Variants in NOS1AP observed in about 807,000 individuals in gnomAD.
The protein encoded by NOS1AP is nitric oxide synthase 1 adaptor protein.
In NOS1AP, 21 loss-of-function variants were observed where a neutral mutation model predicts 56.2. The ratio of observed to expected loss-of-function variants is 0.37; its 90% CI spans 0.26 to 0.54. NOS1AP has a LOEUF of 0.54. Among genes scored for constraint, NOS1AP ranks in the 20% least tolerant of loss-of-function variants. NOS1AP has a pLI of 0.84. For synonymous variants in NOS1AP, 270 were observed against 274.6 expected (o/e 0.98, Z 0.17); for missense variants, 522 against 657.8 (o/e 0.79, Z 2.26).
At chr1:162,346,465 G>C (rs1657298838) in intron 6 of NOS1AP, among the ~76,000 whole-genome samples, 1 of 152,130 alleles carries the variant, frequency 6.6e-6, no homozygotes, top group Non-Finnish European at 1.5e-5. Context: ...AGAATTGTGG[G>C]TATGAGGTAC....
intron 8 of NOS1AP, chr1:162,364,591 T>A: frequency 1.0e-6 from 1 of 985,468 alleles, no homozygotes; most frequent in Non-Finnish European, 1.2e-6. Flanking sequence ...CTGCTCTGCC[T>A]TAAGAAGGTT....
intron 2 of NOS1AP, among the ~76,000 whole-genome samples, chr1:162,236,128 T>C (rs1653282107): frequency 6.6e-6 from 1 of 152,240 alleles, no homozygotes; most frequent in South Asian, 2.1e-4. Context: ...ATCACCAGAT[T>C]CTGTGTATCA....
chr1:162,125,711 CT>C (rs1392241118), intron 1 of NOS1AP, among the ~76,000 whole-genome samples: 2 of 152,100 alleles, frequency 1.3e-5, no homozygotes. Flanking sequence ...AATGTGATTC[CT>C]CCAGATTTGT....
intron 2 of NOS1AP, among the ~76,000 whole-genome samples, chr1:162,208,426 T>C (rs1216582373): frequency 6.6e-6 from 1 of 152,200 alleles, no homozygotes; most frequent in Non-Finnish European, 1.5e-5. Context: ...ATATCCTCAA[T>C]AAATATTGAA....
intron 2 of NOS1AP, among the ~76,000 whole-genome samples, chr1:162,176,505 C>CTTTTTTTTTTTTT (rs34280743): frequency 1.1e-5 from 1 of 87,470 alleles, no homozygotes; most frequent in Non-Finnish European, 2.0e-5. Context: ...CATAATAGCT[C>CTTTTTTTTTTTTT]TTTTTTTTTT....
chr1:162,081,586 G>T (rs1214625181), intron 1 of NOS1AP, among the ~76,000 whole-genome samples: 2 of 139,364 alleles, frequency 1.4e-5, no homozygotes, highest in Non-Finnish European at 3.1e-5. Flanking sequence ...TTACTCTGTT[G>T]CCCATGCTGG....
At chr1:162,123,723 T>C (rs1489250725) in intron 1 of NOS1AP, among the ~76,000 whole-genome samples, 1 of 152,198 alleles carries the variant, frequency 6.6e-6, no homozygotes, top group Non-Finnish European at 1.5e-5. Flanking sequence ...GACTCCAATT[T>C]ACCCTTCACC....
At chr1:162,300,817 C>A in intron 4 of NOS1AP, 111 bp downstream of exon 4, 1 of 859,512 alleles carries the variant, frequency 1.2e-6, no homozygotes, top group Non-Finnish European at 2.0e-6. Context: ...AACTTCTATG[C>A]TTTTCCCTCC....
Position 162,355,958 on chromosome 1 carries a change from G to C in NOS1AP, c.762+605G>C, listed in dbSNP as rs557018662. 2.0e-5 allele frequency among the ~76,000 whole-genome samples: 3 copies of C among 152,262 alleles called. No homozygotes were observed. The East Asian group carries it at 5.8e-4, about 29-fold the overall frequency. On this transcript the variant is annotated intron_variant, in intron 7 of 9. Transcript: ENST00000361897. ...ACTTGAGATCAAATTCCAACCTGAA[G>C]CCAAAGCTAATTAAAAATGTTTTAA...
At chr1:162,351,644 C>A (rs1571238376) in intron 6 of NOS1AP, among the ~76,000 whole-genome samples, 1 of 152,186 alleles carries the variant, frequency 6.6e-6, no homozygotes, top group African/African-American at 2.4e-5. Flanking sequence ...TGCTGACTTG[C>A]CCTTCCTCGC....
intron 2 of NOS1AP, among the ~76,000 whole-genome samples, chr1:162,187,678 A>T (rs1651487033): frequency 6.6e-6 from 1 of 152,194 alleles, no homozygotes; most frequent in South Asian, 2.1e-4. Context: ...AGACCTGTGA[A>T]AACGGCTGAG....
At chr1:162,142,746 A>C (rs1000215013) in intron 1 of NOS1AP, among the ~76,000 whole-genome samples, 1 of 152,214 alleles carries the variant, frequency 6.6e-6, no homozygotes, top group Non-Finnish European at 1.5e-5. Context: ...TGTAGTATTA[A>C]TAGTAGTCTG....
At chr1:162,351,585 G>A (rs929932460) in intron 6 of NOS1AP, among the ~76,000 whole-genome samples, 3 of 152,128 alleles carry the variant, frequency 2.0e-5, no homozygotes, top group African/African-American at 7.2e-5. Context: ...GGAACTTTGA[G>A]CAACTGGTTA....
intron 1 of NOS1AP, among the ~76,000 whole-genome samples, chr1:162,079,356 C>T (rs1436753690): frequency 6.6e-6 from 1 of 152,064 alleles, no homozygotes. Context: ...ATGTAAGAAA[C>T]ATTTTCAACT....
In NOS1AP at chr1:162,343,824, C is replaced by A; in HGVS notation, c.454-11C>A. 6.2e-7 allele frequency: 1 copy of A among 1,614,168 alleles called. No individual in the cohort carries two copies. The highest frequency in any genetic ancestry group is 8.5e-7 in the Non-Finnish European group (1 of 1,180,026). ...CTCACCCATCCTGTTCTTCTCCTTT[C>A]TCCTTCCCAGAGCCAAGCTATGAGA... On this transcript the variant is annotated splice_polypyrimidine_tract_variant and intron_variant, in intron 5 of 9. Coordinates refer to ENST00000361897, the MANE Select transcript of NOS1AP (RefSeq NM_014697.3).
intron 2 of NOS1AP, among the ~76,000 whole-genome samples, chr1:162,186,043 T>C (rs1293458641): frequency 6.6e-6 from 1 of 152,252 alleles, no homozygotes; most frequent in Non-Finnish European, 1.5e-5. Flanking sequence ...TGCTTAACTT[T>C]TGTTTACTTA....
chr1:162,311,290 T>G (rs1427623602), intron 4 of NOS1AP, among the ~76,000 whole-genome samples: 1 of 152,236 alleles, frequency 6.6e-6, no homozygotes, highest in Non-Finnish European at 1.5e-5. Flanking sequence ...TTCTGTTTTT[T>G]GCCTCCTTCT....
At chr1:162,159,104 A>G (rs960586405) in intron 2 of NOS1AP, among the ~76,000 whole-genome samples, 6 of 152,170 alleles carry the variant, frequency 3.9e-5, no homozygotes, top group African/African-American at 1.4e-4. Context: ...CTGTCAGTCC[A>G]ACTGTGTGAA....
intron 2 of NOS1AP, among the ~76,000 whole-genome samples, chr1:162,235,946 T>C (rs994564573): frequency 1.3e-5 from 2 of 152,208 alleles, no homozygotes; most frequent in East Asian, 1.9e-4. Flanking sequence ...GTTTCATTCA[T>C]TGGAGATGAG....
Sources: allele counts gnomAD v4.1 joint callset (sites outside exome capture counted in the v4.1 genomes callset), GRCh38; gene constraint gnomAD v4.1.1; transcripts MANE v1.5; gene names NCBI Gene and HGNC (gene_info 2026-07-23, HGNC 2026-07-21).